The following EDARADD variants were observed in gnomAD, a reference collection of about 807,000 sequenced individuals.
The protein encoded by EDARADD is ectodysplasin-A receptor-associated adapter protein.
EDARADD carries 20 observed loss-of-function variants against 25.6 expected under a neutral mutation model. The ratio of observed to expected loss-of-function variants is 0.78; its 90% confidence interval spans 0.55 to 1.14. The LOEUF is 1.14. EDARADD is among the 50% of genes most tolerant of loss of function. The pLI is 0.00. For missense variants in EDARADD, 225 were observed against 270.1 expected, an observed-to-expected ratio of 0.83 and a Z score of 1.17; for synonymous variants, 86 against 94.4, an observed-to-expected ratio of 0.91 and a Z score of 0.52.
At chr1:236,476,109 T>A (rs1257336311) in intron 5 of EDARADD, among the ~76,000 whole-genome samples, 1 of 152,084 alleles carries the variant, frequency 6.6e-6, no homozygotes, top group Non-Finnish European at 1.5e-5. Context: ...GGAGAATCGC[T>A]GGAACCTGGT....
In EDARADD at chr1:236,409,544, T is replaced by G. The variant is rs671040; in HGVS notation, c.120+270T>G. On this transcript the variant is annotated intron_variant, in intron 2 of 5. Transcript: ENST00000334232. ...GTGAGGGCTTTACCCACTTCCCTGG[T>G]TTTTTTTTATTTCATTTTTCATTTT... 0.65 allele frequency among the ~76,000 whole-genome samples: 96,129 copies of G among 146,862 alleles called. 31,197 individuals are homozygous for G. Among genetic ancestry groups the G allele is most frequent in the Non-Finnish European group, 0.7 (47,498 of 67,886 alleles).
chr1:236,411,152 A>G (rs16833644), intron 2 of EDARADD, among the ~76,000 whole-genome samples: 5,510 of 152,122 alleles, frequency 0.036, 305 homozygotes, highest in African/African-American at 0.12. Context: ...CTTGGGGCTC[A>G]GCTACCTCTA....
chr1:236,376,640 A>G (rs935589264), intron 3 of EDARADD, among the ~76,000 whole-genome samples: 33 of 152,128 alleles, frequency 2.2e-4, no homozygotes, highest in Non-Finnish European at 5.9e-5. Flanking sequence ...TGATATGCCT[A>G]CATGTAATTT....
intron 3 of EDARADD, among the ~76,000 whole-genome samples, chr1:236,422,495 C>A (rs1026849145): frequency 1.3e-5 from 2 of 152,166 alleles, no homozygotes; most frequent in African/African-American, 4.8e-5. Flanking sequence ...GATTTGTTGG[C>A]CAGGACATCC....
chr1:236,441,271 ATATATATATAT>A (rs1299348579), intron 4 of EDARADD, among the ~76,000 whole-genome samples: 1 of 145,096 alleles, frequency 6.9e-6, no homozygotes, highest in African/African-American at 2.5e-5. Context: ...CTCTTTATTT[ATATATATATAT>A]TATATATATA....
chr1:236,371,723 C>T (rs1271099595), intron 3 of EDARADD, among the ~76,000 whole-genome samples: 1 of 151,852 alleles, frequency 6.6e-6, no homozygotes, highest in Non-Finnish European at 1.5e-5. Context: ...GAGCCTGCCA[C>T]CATGCCCAGC....
At position 236,432,260 on chromosome 1, in the gene EDARADD, G is replaced by GTCAAAAATTAAA. The variant is rs1658116125; in HGVS notation, c.219+4810_219+4811insTCAAAAATTAAA. Among the ~76,000 whole-genome samples the GTCAAAAATTAAA allele has an allele frequency of 5.9e-5, 9 of 151,798 alleles. No homozygotes were observed. The South Asian group carries it at 1.9e-3, about 32-fold the overall frequency. ...AAATACAAAAATTAACCACACCTGTGGTCCCATGGTCCCAGCTGCTCAGGA... is the reference window on the plus strand; with the variant it reads ...AAATACAAAAATTAACCACACCTGTGTCAAAAATTAAAGTCCCATGGTCCCAGCTGCTCAGGA... On this transcript the variant is annotated intron_variant, in intron 4 of 5. Transcript: ENST00000334232.
chr1:236,377,431 C>T (rs1036165768), intron 3 of EDARADD, among the ~76,000 whole-genome samples: 1 of 149,516 alleles, frequency 6.7e-6, no homozygotes, highest in Admixed American at 6.7e-5. Flanking sequence ...GCTGGGATTA[C>T]AGGCGTGAGC....
rs1335169743 is a variant in EDARADD, at chr1:236,351,015, T to C, written c.-6+176T>C. 2.0e-5 allele frequency among the ~76,000 whole-genome samples: 3 copies of C among 152,152 alleles called. No individual in the cohort carries two copies. The East Asian group carries it at 5.8e-4, about 29-fold the overall frequency. On this transcript the variant is annotated intron_variant, in intron 3 of 7. Coordinates refer to the EDARADD transcript ENST00000439430. ...TAAAAACCTCAAGGTAGTAGGTCCCTGCATTCCCAAGTACTTGGGAGGCGG... is the reference window on the plus strand; with the variant it reads ...TAAAAACCTCAAGGTAGTAGGTCCCCGCATTCCCAAGTACTTGGGAGGCGG...
At chr1:236,357,847 C>A (rs1299766981) in intron 3 of EDARADD, among the ~76,000 whole-genome samples, 1 of 151,538 alleles carries the variant, frequency 6.6e-6, no homozygotes, top group Non-Finnish European at 1.5e-5. Flanking sequence ...TATATCACCA[C>A]CTTACAAGGA....
chr1:236,427,369 TTC>T (rs1657952230), intron 3 of EDARADD, 21 bp from the exon 4 acceptor site: 6 of 1,605,770 alleles, frequency 3.7e-6, no homozygotes, highest in East Asian at 4.5e-5. Context: ...GTTTCTTTCT[TTC>T]TTTCTTTTTT....
At chr1:236,451,360 A>G (rs1393733034) in intron 4 of EDARADD, among the ~76,000 whole-genome samples, 1 of 152,170 alleles carries the variant, frequency 6.6e-6, no homozygotes, top group African/African-American at 2.4e-5. Context: ...GGTTAACGTT[A>G]TATTTACATG....
intron 5 of EDARADD, among the ~76,000 whole-genome samples, chr1:236,469,866 C>T (rs936527708): frequency 6.6e-6 from 1 of 151,958 alleles, no homozygotes; most frequent in Non-Finnish European, 1.5e-5. Context: ...TGCGCCACCA[C>T]GCCCGGCTAA....
chr1:236,360,972 C>G (rs1233895558), intron 3 of EDARADD, among the ~76,000 whole-genome samples: 1 of 152,106 alleles, frequency 6.6e-6, no homozygotes, highest in Non-Finnish European at 1.5e-5. Context: ...GGCAGCATTG[C>G]CAGGGCCTGG....
intron 4 of EDARADD, among the ~76,000 whole-genome samples, chr1:236,427,707 G>A (rs1571928100): frequency 6.6e-6 from 1 of 152,054 alleles, no homozygotes; most frequent in East Asian, 1.9e-4. Context: ...CAATGCTGGT[G>A]AGTTAGAAAG....
At chr1:236,370,735 T>C (rs1667164157) in intron 3 of EDARADD, among the ~76,000 whole-genome samples, 1 of 152,062 alleles carries the variant, frequency 6.6e-6, no homozygotes. Context: ...GTTGGAAAAA[T>C]ATCCCAAGCA....
chr1:236,484,686 G>A lies in EDARADD; in HGVS notation c.*2037G>A. On this transcript the variant is annotated 3_prime_UTR_variant, in exon 6 of 6. Coordinates refer to ENST00000334232, the MANE Select transcript of EDARADD (RefSeq NM_145861.4). The surrounding 1 kb of genome is among the most constrained non-coding windows in gnomAD (Gnocchi z 4.1). ...TTGCGCCACTGCACACCAGTCTGGA[G>A]ACAGAGTGAGAGTCCGTCCCAGAAA... The A allele has an allele frequency of 3.2e-6, 1 of 316,658 alleles. No individual in the cohort carries two copies. The highest frequency in any genetic ancestry group is 5.9e-6 in the Non-Finnish European group (1 of 170,600). 19.6% of individuals were successfully genotyped at this position (316,658 alleles called of 1,614,324 possible).
chr1:236,450,142 A>G (rs1161932996), intron 4 of EDARADD, among the ~76,000 whole-genome samples: 2 of 151,786 alleles, frequency 1.3e-5, no homozygotes, highest in Non-Finnish European at 2.9e-5. Flanking sequence ...AAGATGATGA[A>G]TGATGAGGGC....
chr1:236,445,671 A>C (rs1259178828), intron 4 of EDARADD, among the ~76,000 whole-genome samples: 2 of 152,206 alleles, frequency 1.3e-5, no homozygotes, highest in Non-Finnish European at 2.9e-5. Flanking sequence ...ATTGGTGACT[A>C]ATAAACTTTT....
Sources: allele counts gnomAD v4.1 joint callset (sites outside exome capture counted in the v4.1 genomes callset), GRCh38; gene constraint gnomAD v4.1.1; non-coding constraint Gnocchi (gnomAD v3.1); transcripts MANE v1.5; gene names NCBI Gene and HGNC (gene_info 2026-07-23, HGNC 2026-07-21).